Variants in WASHC2C observed in about 807,000 individuals in gnomAD.
The protein encoded by WASHC2C is Vaccinia Penetration Factor.
Under a neutral mutation model 142.2 loss-of-function variants are expected in WASHC2C, and 73 were observed. That is an observed-to-expected ratio of 0.51 (90% CI 0.43 to 0.62). The LOEUF is 0.62. Among genes scored for constraint, WASHC2C ranks in the 20% least tolerant of loss-of-function variants. The pLI, the probability that WASHC2C is intolerant of heterozygous loss-of-function variation, is 0.00. For synonymous variants in WASHC2C, 337 were observed against 565.5 expected (o/e 0.60, Z 5.73); for missense variants, 969 against 1,531.7 (o/e 0.63, Z 6.13).
intron 23 of WASHC2C, among the ~76,000 whole-genome samples, chr10:45,783,668 C>A (rs1227335444): frequency 6.6e-6 from 1 of 152,164 alleles, no homozygotes; most frequent in East Asian, 1.9e-4. Context: ...ACCACATTGG[C>A]CAGGCTGGTC....
chr10:45,727,355 G>C (rs767122610), intron 1 of WASHC2C, 35 bp downstream of exon 1: 1 of 1,600,736 alleles, frequency 6.2e-7, no homozygotes, highest in Non-Finnish European at 8.5e-7. Flanking sequence ...GCCGGCCTGG[G>C]CTGGGGCCGC....
chr10:45,786,606 A>G lies in WASHC2C; in HGVS notation c.2812-6A>G, dbSNP rs782027714. On this transcript the variant is annotated splice_polypyrimidine_tract_variant and splice_region_variant and intron_variant, in intron 26 of 30. Coordinates refer to ENST00000623400, the MANE Select transcript of WASHC2C (RefSeq NM_001330074.2). ...TGGATTTTTAACTGGATGTAATCTT[A>G]CACAGGACTCATCAGGTCTCGCTCC... The G allele has an allele frequency of 1.2e-6, 2 of 1,611,104 alleles. No individual in the cohort carries two copies. The highest frequency in any genetic ancestry group is 1.7e-6 in the Non-Finnish European group (2 of 1,179,234).
chr10:45,739,387 G>C (rs1429052624), intron 4 of WASHC2C, among the ~76,000 whole-genome samples: 3 of 149,248 alleles, frequency 2.0e-5, no homozygotes, highest in Non-Finnish European at 4.4e-5. Flanking sequence ...ATATTTTTCG[G>C]TATTTCTCAC....
rs2058322121 is a variant in WASHC2C, at chr10:45,790,258, A to C, written c.3709-98A>C. 2.5e-6 allele frequency: 4 copies of C among 1,591,004 alleles called. No homozygotes were observed. In the South Asian group the frequency reaches 4.5e-5, roughly 18 times the overall value. The stretch of plus-strand genomic sequence containing the variant: ...GGGCAGTCTCGAGGCCGTTCCACAC[A>C]CCCTGGCCAATTGCATTTCCATAGC... On this transcript the variant is annotated intron_variant, in intron 29 of 30. Transcript: ENST00000623400.
At position 45,792,750 on chromosome 10, in the gene WASHC2C, TC is replaced by T. The variant is rs1484816331; in HGVS notation, c.*351del. 3.9e-6 allele frequency: 2 copies of T among 514,158 alleles called. No individual in the cohort carries two copies. The highest frequency in any genetic ancestry group is 3.9e-5 in the African/African-American group (2 of 51,846). 31.8% of individuals were successfully genotyped at this position (514,158 alleles called of 1,614,324 possible). A position where few individuals can be genotyped will look rare whatever the true frequency, so the allele number is the denominator to read the frequency against. ...ATAGCAAATGCCACCTGACCAGAAGTCTTTGTTATATGGATGGGAACCCTAA... is the reference window on the plus strand; with the variant it reads ...ATAGCAAATGCCACCTGACCAGAAGTTTTGTTATATGGATGGGAACCCTAA... On this transcript the variant is annotated 3_prime_UTR_variant, in exon 31 of 31. Transcript: ENST00000623400.
At chr10:45,770,918 A>G (rs1554884372) in intron 20 of WASHC2C, among the ~76,000 whole-genome samples, 1 of 152,234 alleles carries the variant, frequency 6.6e-6, no homozygotes, top group African/African-American at 2.4e-5. Flanking sequence ...CGCTGAGCAC[A>G]AGAGCTGGCA....
At chr10:45,787,304 C>T (rs1167601197) in intron 28 of WASHC2C, 57 bp downstream of exon 28, 7 of 750,080 alleles carry the variant, frequency 9.3e-6, no homozygotes, top group Non-Finnish European at 1.6e-5. Flanking sequence ...CATGCATATG[C>T]TTCTTTCTAG....
intron 6 of WASHC2C, among the ~76,000 whole-genome samples, chr10:45,744,590 A>G (rs2134385426): frequency 6.6e-6 from 1 of 152,362 alleles, no homozygotes; most frequent in Non-Finnish European, 1.5e-5. Context: ...TTTAAAGAGT[A>G]CAAGCAAGTT....
intron 18 of WASHC2C, among the ~76,000 whole-genome samples, chr10:45,764,653 A>G (rs1276595803): frequency 2.0e-4 from 31 of 152,278 alleles, no homozygotes; most frequent in Non-Finnish European, 3.8e-4. Context: ...AGGCTTTGCC[A>G]TCAGACCCCT....
intron 17 of WASHC2C, among the ~76,000 whole-genome samples, chr10:45,761,925 C>T (rs575016811): frequency 6.6e-6 from 1 of 151,392 alleles, no homozygotes; most frequent in Admixed American, 6.6e-5. Flanking sequence ...CCGGGGAGCA[C>T]AGGGGAAAAA....
chr10:45,765,967 T>TG (rs536354456), intron 19 of WASHC2C, among the ~76,000 whole-genome samples, 157 bp downstream of exon 19: 171 of 152,296 alleles, frequency 1.1e-3, no homozygotes, highest in African/African-American at 3.8e-3. Flanking sequence ...AGACATTTAA[T>TG]GTAATATATT....
At chr10:45,739,253 A>G (rs1471881531) in intron 4 of WASHC2C, among the ~76,000 whole-genome samples, 3 of 151,574 alleles carry the variant, frequency 2.0e-5, no homozygotes, top group African/African-American at 7.3e-5. Flanking sequence ...GAAAGACTTC[A>G]GTACTTGAGA....
Position 45,755,125 on chromosome 10 carries a change from C to T in WASHC2C, c.1420+10C>T, listed in dbSNP as rs782288143. 2.5e-6 allele frequency: 4 copies of T among 1,598,394 alleles called. No homozygotes were observed. The highest frequency in any genetic ancestry group is 3.4e-6 in the Non-Finnish European group (4 of 1,172,848). ...AAACCTTCTAAAACACGTATGTGTT[C>T]CTGCCTCCGTTTCTAGGACTTCAGC... On this transcript the variant is annotated intron_variant, in intron 15 of 30. Transcript: ENST00000623400.
intron 16 of WASHC2C, among the ~76,000 whole-genome samples, chr10:45,759,072 A>T (rs2054713915): frequency 7.1e-6 from 1 of 140,206 alleles, no homozygotes; most frequent in South Asian, 2.4e-4. Context: ...CTCATTGCAT[A>T]TGTCCCATCT....
chr10:45,750,091 C>T lies in WASHC2C; in HGVS notation c.733-5C>T, dbSNP rs782688667. On this transcript the variant is annotated splice_region_variant and splice_polypyrimidine_tract_variant and intron_variant, in intron 8 of 30. Transcript: ENST00000623400. ...TAGTTCTAATTTGGTATTTTATACT[C>T]TTAGCACACCACACAAATGAGTGAT... The T allele has an allele frequency of 6.2e-7, 1 of 1,609,354 alleles. No individual in the cohort carries two copies. The highest frequency in any genetic ancestry group is 8.5e-7 in the Non-Finnish European group (1 of 1,179,140).
intron 3 of WASHC2C, among the ~76,000 whole-genome samples, chr10:45,734,297 A>G (rs1416273176): frequency 6.6e-6 from 1 of 151,726 alleles, no homozygotes; most frequent in Non-Finnish European, 1.5e-5. Flanking sequence ...TTAACCAACC[A>G]TTGAACTTTT....
intron 23 of WASHC2C, among the ~76,000 whole-genome samples, chr10:45,784,244 G>GTATATA (rs1564818848): frequency 5.1e-5 from 2 of 38,934 alleles, no homozygotes; most frequent in African/African-American, 1.6e-4. Flanking sequence ...ATATATATGT[G>GTATATA]TGTGTGTGTA....
At chr10:45,750,377 CT>C (rs1392292228) in intron 9 of WASHC2C, among the ~76,000 whole-genome samples, 171 bp downstream of exon 9, 1 of 151,010 alleles carries the variant, frequency 6.6e-6, no homozygotes, top group Non-Finnish European at 1.5e-5. Flanking sequence ...GTACCACTTT[CT>C]TGTCCAGATG....
chr10:45,736,405 CAAAAAAAAAAAAAAAAAA>C (rs71520974), intron 3 of WASHC2C, among the ~76,000 whole-genome samples: 377 of 24,586 alleles, frequency 0.015, 12 homozygotes, highest in Middle Eastern at 0.083. Context: ...GACTCCATCT[CAAAAAAAAAAAAAAAAAA>C]AAAAAAAAAA....
Sources: gnomAD v4.1 joint callset for allele counts (sites outside exome capture counted in the v4.1 genomes callset) on GRCh38, gnomAD v4.1.1 for gene constraint, MANE v1.5 for transcripts, NCBI Gene and HGNC (gene_info 2026-07-23, HGNC 2026-07-21) for gene names.